Variants in PTPRM observed in about 807,000 individuals in gnomAD.
PTPRM encodes the protein receptor-type tyrosine-protein phosphatase mu.
A neutral mutation model predicts 186.7 loss-of-function variants in PTPRM; 47 were observed. The observed-to-expected ratio is 0.25, with a 90% CI of 0.20 to 0.32. The LOEUF (loss-of-function observed/expected upper bound fraction) is 0.32. PTPRM is among the 10% of genes least tolerant of loss of function. PTPRM has a pLI of 1.00. For synonymous variants in PTPRM, 668 were observed against 674.9 expected (o/e 0.99, Z 0.16); for missense variants, 1,494 against 1,865.0 (o/e 0.80, Z 3.66).
chr18:7,601,520 T>C (rs2037402232), intron 1 of PTPRM, among the ~76,000 whole-genome samples: 3 of 152,258 alleles, frequency 2.0e-5, no homozygotes, highest in Admixed American at 2.0e-4. Context: ...TCCTGGCTCC[T>C]GGTGGCTGTT....
At chr18:7,860,474 G>A (rs1181607060) in intron 2 of PTPRM, among the ~76,000 whole-genome samples, 1 of 152,040 alleles carries the variant, frequency 6.6e-6, no homozygotes, top group East Asian at 1.9e-4. Flanking sequence ...CAGGGGGCGG[G>A]GGTCTGTCTT....
chr18:7,670,392 A>C (rs1305813948), intron 1 of PTPRM, among the ~76,000 whole-genome samples: 2 of 152,230 alleles, frequency 1.3e-5, no homozygotes, highest in Non-Finnish European at 2.9e-5. Flanking sequence ...AGTTTGATTT[A>C]AAGTATGTTT....
At chr18:7,897,086 A>G (rs1451509497) in intron 3 of PTPRM, among the ~76,000 whole-genome samples, 1 of 152,130 alleles carries the variant, frequency 6.6e-6, no homozygotes, top group African/African-American at 2.4e-5. Flanking sequence ...AATCCAGGGA[A>G]TGTTAGGAGG....
At chr18:7,589,081 C>G (rs2037057144) in intron 1 of PTPRM, among the ~76,000 whole-genome samples, 1 of 152,168 alleles carries the variant, frequency 6.6e-6, no homozygotes, top group Admixed American at 6.5e-5. Flanking sequence ...CTCCTGGACT[C>G]CAGTGATCTT....
intron 1 of PTPRM, among the ~76,000 whole-genome samples, chr18:7,729,338 G>A (rs1020076243): frequency 4.6e-5 from 7 of 152,112 alleles, no homozygotes; most frequent in African/African-American, 1.7e-4. Context: ...CAGGTGTTGT[G>A]TGACCCTGAT....
At chr18:7,778,264 C>G (rs2042686128) in intron 2 of PTPRM, among the ~76,000 whole-genome samples, 1 of 151,916 alleles carries the variant, frequency 6.6e-6, no homozygotes, top group African/African-American at 2.4e-5. Flanking sequence ...GGAATAAATA[C>G]TAAATGCCGT....
intron 22 of PTPRM, among the ~76,000 whole-genome samples, chr18:8,337,914 G>T (rs1307964467): frequency 6.6e-6 from 1 of 152,214 alleles, no homozygotes. Flanking sequence ...GCGGAAAGCT[G>T]TGGGAGGATT....
chr18:7,737,653 G>A (rs1335173765), intron 1 of PTPRM, among the ~76,000 whole-genome samples: 1 of 152,226 alleles, frequency 6.6e-6, no homozygotes, highest in African/African-American at 2.4e-5. Context: ...AATGTTGTGT[G>A]TTCAGTGCTG....
intron 1 of PTPRM, among the ~76,000 whole-genome samples, chr18:7,578,031 G>A (rs932431420): frequency 1.3e-5 from 2 of 152,154 alleles, no homozygotes; most frequent in Non-Finnish European, 2.9e-5. Flanking sequence ...AAGGGCAGTA[G>A]TAGCCTCTGG....
rs565019623 is a variant in PTPRM, at chr18:7,816,637, A to C, written c.196+42366A>C. The stretch of plus-strand genomic sequence containing the variant: ...TACGTCATTCCTTTTTCTTGGAGTC[A>C]TTTCATTCTACATCCTCCATTGAAT... On this transcript the variant is annotated intron_variant, in intron 2 of 32. Transcript: ENST00000580170. Among the ~76,000 whole-genome samples the C allele has an allele frequency of 5.3e-5, 8 of 152,260 alleles. No individual in the cohort carries two copies. In the East Asian group the frequency reaches 1.5e-3, roughly 29 times the overall value.
At position 7,680,629 on chromosome 18, in the gene PTPRM, A is replaced by G. The variant is rs532430096; in HGVS notation, c.74-93520A>G. On this transcript the variant is annotated intron_variant, in intron 1 of 32. Coordinates refer to ENST00000580170, the MANE Select transcript of PTPRM (RefSeq NM_001105244.2). ...GCACATGGGCCAGAGACTTATGTGT[A>G]TGGGAAATGTTTCTTTGCTGCTTTA... Among the ~76,000 whole-genome samples the G allele has an allele frequency of 6.6e-5, 10 of 152,236 alleles. No individual in the cohort carries two copies. The East Asian group carries it at 1.9e-3, about 29-fold the overall frequency.
At chr18:8,102,418 C>A (rs184015607) in intron 11 of PTPRM, among the ~76,000 whole-genome samples, 29 of 152,190 alleles carry the variant, frequency 1.9e-4, no homozygotes, top group Non-Finnish European at 4.3e-4. Context: ...CTTGTCAGTG[C>A]GTTATCAACT....
At position 7,568,040 on chromosome 18, in the gene PTPRM, G is replaced by C. The variant is rs554491743; in HGVS notation, c.73+149G>C. On this transcript the variant is annotated intron_variant, in intron 1 of 32. Coordinates refer to ENST00000580170, the MANE Select transcript of PTPRM (RefSeq NM_001105244.2). This position sits in a 1 kb window ranked among gnomAD's most constrained non-coding sequence, Gnocchi z 5.1. Reference sequence around the variant, plus strand: ...GGCCGGACACCGCTTCTGCCTGTGAGCCGGGCGCTGGGCGAGGGGCCGTGG... The same window carrying C: ...GGCCGGACACCGCTTCTGCCTGTGACCCGGGCGCTGGGCGAGGGGCCGTGG... 229 of 745,082 alleles carry C rather than the reference G, an allele frequency of 3.1e-4. 3 individuals carry two copies. In the South Asian group the frequency reaches 7.8e-3, roughly 25 times the overall value. The allele number at this position is 745,082 out of a possible 1,614,324, so 46.2% of individuals were successfully genotyped here. A position where few individuals can be genotyped will look rare whatever the true frequency, so the allele number is the denominator to read the frequency against.
chr18:8,388,779 T>C (rs1402080710), intron 31 of PTPRM, among the ~76,000 whole-genome samples: 1 of 151,984 alleles, frequency 6.6e-6, no homozygotes, highest in African/African-American at 2.4e-5. Context: ...GGCTAACACG[T>C]TGAAACCCCG....
At chr18:8,396,375 A>C (rs965818433) in intron 32 of PTPRM, among the ~76,000 whole-genome samples, 4 of 152,326 alleles carry the variant, frequency 2.6e-5, no homozygotes, top group African/African-American at 9.6e-5. Context: ...GATCAAAAAA[A>C]ATGTCACTTC....
chr18:8,190,422 C>T (rs1388500347), intron 14 of PTPRM, among the ~76,000 whole-genome samples: 2 of 152,184 alleles, frequency 1.3e-5, no homozygotes, highest in Non-Finnish European at 2.9e-5. Flanking sequence ...TAAGTTCACC[C>T]ATATTGTCAC....
At chr18:8,031,445 A>T (rs1316933006) in intron 7 of PTPRM, among the ~76,000 whole-genome samples, 3 of 152,234 alleles carry the variant, frequency 2.0e-5, no homozygotes, top group Non-Finnish European at 4.4e-5. Context: ...CACGGCAATA[A>T]TTCCGTCAGA....
chr18:7,691,579 G>A (rs1433167794), intron 1 of PTPRM, among the ~76,000 whole-genome samples: 5 of 152,064 alleles, frequency 3.3e-5, no homozygotes, highest in Admixed American at 3.3e-4. Flanking sequence ...TGGTACCTTT[G>A]ATCAAGCCTG....
rs371512531 is a variant in PTPRM at position 8,185,292 on chromosome 18, G to A, written c.2300+41513G>A. 1.0e-3 allele frequency among the ~76,000 whole-genome samples: 157 copies of A among 152,286 alleles called. 1 individual carries two copies. The highest frequency in any genetic ancestry group is 3.7e-3 in the African/African-American group (153 of 41,562). ...TGTCCTCTAGGGTAAGGCTGGCTGG[G>A]TATTCTTGCACCCTGTGCTGTGCAG... On this transcript the variant is annotated intron_variant, in intron 14 of 32. Coordinates refer to ENST00000580170, the MANE Select transcript of PTPRM (RefSeq NM_001105244.2).
Sources: allele counts gnomAD v4.1 joint callset (sites outside exome capture counted in the v4.1 genomes callset), GRCh38; gene constraint gnomAD v4.1.1; non-coding constraint Gnocchi (gnomAD v3.1); transcripts MANE v1.5; gene names NCBI Gene and HGNC (gene_info 2026-07-23, HGNC 2026-07-21).